The following HOTAIR variants were observed in gnomAD, a reference collection of about 807,000 sequenced individuals.
The protein encoded by HOTAIR is HOX transcript antisense RNA (non-protein coding).
chr12:53,968,452 C>G (rs941189814), intron 2 of HOTAIR: 1 of 152,176 alleles, frequency 6.6e-6, no homozygotes, highest in Non-Finnish European at 1.5e-5. Context: ...TGGGGCCAGG[C>G]GATAAATCTC....
At position 53,973,871 on chromosome 12, in the gene HOTAIR, G is replaced by T. The variant is rs1179009229; in HGVS notation, n.59+1027C>A. 2.0e-6 allele frequency: 3 copies of T among 1,466,964 alleles called. No individual in the cohort carries two copies. The highest frequency in any genetic ancestry group is 5.0e-5 in the East Asian group (2 of 40,172). The allele number at this position is 1,466,964 out of a possible 1,614,324, so 90.9% of individuals were successfully genotyped here. ...AGGAGGAGAACACAAATCCCAGCTC[G>T]TCCGGTTCAGCCCACTCCGTGGCCA... On this transcript the variant is annotated intron_variant and non_coding_transcript_variant, in intron 1 of 6. Transcript: ENST00000424518. The surrounding 1 kb of genome is among the most constrained non-coding windows in gnomAD (Gnocchi z 4.3).
At position 53,967,046 on chromosome 12, in the gene HOTAIR, A is replaced by G. The variant is rs577812580; in HGVS notation, n.325+223T>C. On this transcript the variant is annotated intron_variant and non_coding_transcript_variant, in intron 3 of 6. Transcript: ENST00000424518. Reference sequence around the variant, plus strand: ...AGGACTTACCTTTTTCCTGGACCTCACAGCTCGTTTTCGCCTCCTCTGGGC... The same window carrying G: ...AGGACTTACCTTTTTCCTGGACCTCGCAGCTCGTTTTCGCCTCCTCTGGGC... 5.3e-5 allele frequency among the ~76,000 whole-genome samples: 8 copies of G among 152,338 alleles called. No homozygotes were observed. The East Asian group carries it at 9.6e-4, about 18-fold the overall frequency.
At position 53,973,447 on chromosome 12, in the gene HOTAIR, C is replaced by T. The variant is rs764327229; in HGVS notation, n.59+1451G>A. ...TATCCCTACTCGGCCCAAGTGCCCC[C>T]GGTCCGGGAGGTCTCCTACGGCCTG... is the stretch of plus-strand genomic sequence containing the variant. On this transcript the variant is annotated intron_variant and non_coding_transcript_variant, in intron 1 of 6. Coordinates refer to ENST00000424518, the Ensembl canonical transcript of HOTAIR. The surrounding 1 kb of genome is among the most constrained non-coding windows in gnomAD (Gnocchi z 4.3). 3.7e-6 allele frequency: 6 copies of T among 1,614,192 alleles called. No individual in the cohort carries two copies. The highest frequency in any genetic ancestry group is 4.2e-6 in the Non-Finnish European group (5 of 1,180,038).
At chr12:53,964,619 T>C (rs1409331044) in intron 5 of HOTAIR, among the ~76,000 whole-genome samples, 1 of 152,212 alleles carries the variant, frequency 6.6e-6, no homozygotes, top group Non-Finnish European at 1.5e-5. Flanking sequence ...GAAGAATTCA[T>C]GCAATTATTC....
intron 5 of HOTAIR, chr12:53,964,323 T>C (rs1047641591): frequency 2.0e-5 from 3 of 152,234 alleles, no homozygotes; most frequent in Admixed American, 1.3e-4. Flanking sequence ...CAGGAGGGAA[T>C]TAATTTTACT....
chr12:53,968,832 A>T (rs1939103191), intron 1 of HOTAIR: 1 of 152,250 alleles, frequency 6.6e-6, no homozygotes, highest in Non-Finnish European at 1.5e-5. Flanking sequence ...GGTGACTGGA[A>T]TCTTTTTGCT....
rs1249787615 is a variant in HOTAIR at position 53,973,613 on chromosome 12, C to A, written n.59+1285G>T. On this transcript the variant is annotated intron_variant and non_coding_transcript_variant, in intron 1 of 6. Transcript: ENST00000424518. The surrounding 1 kb of genome is among the most constrained non-coding windows in gnomAD (Gnocchi z 4.3). ...AAAACGAAGGCTCCTACGGCGGCCA[C>A]CACCACCCCAGCGCCCCGCACGCAA... The A allele has an allele frequency of 6.2e-7, 1 of 1,613,630 alleles. No homozygotes were observed. The highest frequency in any genetic ancestry group is 2.2e-5 in the East Asian group (1 of 44,886).
In HOTAIR at chr12:53,973,612, A is replaced by G; in HGVS notation, n.59+1286T>C. The G allele has an allele frequency of 6.2e-7, 1 of 1,612,348 alleles. No individual in the cohort carries two copies. Among genetic ancestry groups the G allele is most frequent in the Non-Finnish European group, 8.5e-7 (1 of 1,179,726 alleles). ...AAAAACGAAGGCTCCTACGGCGGCC[A>G]CCACCACCCCAGCGCCCCGCACGCA... On this transcript the variant is annotated intron_variant and non_coding_transcript_variant, in intron 1 of 6. Transcript: ENST00000424518. The surrounding 1 kb of genome is among the most constrained non-coding windows in gnomAD (Gnocchi z 4.3).
In HOTAIR at chr12:53,973,190, T is replaced by C. The variant is rs1939178063; in HGVS notation, n.59+1708A>G. 2 of 1,462,312 alleles carry C rather than the reference T, an allele frequency of 1.4e-6. No individual in the cohort carries two copies. The highest frequency in any genetic ancestry group is 2.2e-5 in the Admixed American group (1 of 44,684). The allele number at this position is 1,462,312 out of a possible 1,614,324, so 90.6% of individuals were successfully genotyped here. Reference sequence around the variant, plus strand: ...TCTCGCCTTCCCAAATTTTCCCCCCTCGCTAGACCGGGTCCAAAACCTCCA... The same window carrying C: ...TCTCGCCTTCCCAAATTTTCCCCCCCCGCTAGACCGGGTCCAAAACCTCCA... On this transcript the variant is annotated intron_variant and non_coding_transcript_variant, in intron 1 of 6. Transcript: ENST00000424518. The surrounding 1 kb of genome is among the most constrained non-coding windows in gnomAD (Gnocchi z 4.3).
At chr12:53,966,107 G>C (rs1312089309) in intron 4 of HOTAIR, 2 of 152,360 alleles carry the variant, frequency 1.3e-5, no homozygotes, top group Admixed American at 1.3e-4. Context: ...GGGTGAGCCG[G>C]CCGGGGAAAG....
In HOTAIR at chr12:53,973,874, C is replaced by T. The variant is rs775428321; in HGVS notation, n.59+1024G>A. 6.8e-6 allele frequency: 10 copies of T among 1,460,010 alleles called. No homozygotes were observed. Among genetic ancestry groups the T allele is most frequent in the Non-Finnish European group, 9.0e-6 (10 of 1,106,826 alleles). 90.4% of individuals were successfully genotyped at this position (1,460,010 alleles called of 1,614,324 possible). ...AGGAGAACACAAATCCCAGCTCGTC[C>T]GGTTCAGCCCACTCCGTGGCCAAGG... On this transcript the variant is annotated intron_variant and non_coding_transcript_variant, in intron 1 of 6. Transcript: ENST00000424518. The surrounding 1 kb of genome is among the most constrained non-coding windows in gnomAD (Gnocchi z 4.3).
Position 53,973,253 on chromosome 12 carries a change from G to C in HOTAIR, n.59+1645C>G, listed in dbSNP as rs201521088. ...AGGAGAGGAGAACGATGTTTAACTC[G>C]GTCAACCTGGGCAACTTCTGCTCTC... is the stretch of plus-strand genomic sequence containing the variant. On this transcript the variant is annotated intron_variant and non_coding_transcript_variant, in intron 1 of 6. Transcript: ENST00000424518. This position sits in a 1 kb window ranked among gnomAD's most constrained non-coding sequence, Gnocchi z 4.3. 8 of 1,600,890 alleles carry C rather than the reference G, an allele frequency of 5.0e-6. No individual in the cohort carries two copies. The highest frequency in any genetic ancestry group is 2.2e-5 in the East Asian group (1 of 44,794).
At chr12:53,971,358 C>T (rs1265652222) in intron 1 of HOTAIR, among the ~76,000 whole-genome samples, 2 of 152,158 alleles carry the variant, frequency 1.3e-5, no homozygotes, top group East Asian at 1.9e-4. Context: ...GAATGGGACC[C>T]ATGGTGGAGG....
At chr12:53,966,978 A>G (rs1939066784) in intron 3 of HOTAIR, among the ~76,000 whole-genome samples, 1 of 152,224 alleles carries the variant, frequency 6.6e-6, no homozygotes, top group African/African-American at 2.4e-5. Context: ...ATGAACAGAG[A>G]GAAAGAAGGA....
chr12:53,974,322 G>A (rs986136349), intron 1 of HOTAIR, among the ~76,000 whole-genome samples: 8 of 151,700 alleles, frequency 5.3e-5, no homozygotes, highest in African/African-American at 1.9e-4. Context: ...GGAGGGGAGG[G>A]GTGGAGGGGG....
At chr12:53,972,548 A>C (rs1036742942) in intron 1 of HOTAIR, among the ~76,000 whole-genome samples, 2 of 152,222 alleles carry the variant, frequency 1.3e-5, no homozygotes, top group African/African-American at 4.8e-5. Flanking sequence ...GGGAAACTTC[A>C]GATACTCTTC....
chr12:53,973,448 G>T lies in HOTAIR; in HGVS notation n.59+1450C>A. 3 of 1,613,964 alleles carry T rather than the reference G, an allele frequency of 1.9e-6. No individual in the cohort carries two copies. The highest frequency in any genetic ancestry group is 1.7e-6 in the Non-Finnish European group (2 of 1,179,992). ...ATCCCTACTCGGCCCAAGTGCCCCC[G>T]GTCCGGGAGGTCTCCTACGGCCTGG... On this transcript the variant is annotated intron_variant and non_coding_transcript_variant, in intron 1 of 6. Coordinates refer to ENST00000424518, the Ensembl canonical transcript of HOTAIR. This position sits in a 1 kb window ranked among gnomAD's most constrained non-coding sequence, Gnocchi z 4.3.
rs754222686 is a variant in HOTAIR, at chr12:53,973,736, G to C, written n.59+1162C>G. On this transcript the variant is annotated intron_variant and non_coding_transcript_variant, in intron 1 of 6. Transcript: ENST00000424518. This position sits in a 1 kb window ranked among gnomAD's most constrained non-coding sequence, Gnocchi z 4.3. ...ACGCCTACTGCGGTGGCGGCGACCCGCCCGCCGAGCCCCCCTGCTCCGGCA... is the reference window on the plus strand; with the variant it reads ...ACGCCTACTGCGGTGGCGGCGACCCCCCCGCCGAGCCCCCCTGCTCCGGCA... 170 of 1,612,466 alleles carry C rather than the reference G, an allele frequency of 1.1e-4. No homozygotes were observed. Among genetic ancestry groups the C allele is most frequent in the Non-Finnish European group, 1.3e-4 (157 of 1,179,740 alleles).
chr12:53,973,509 T>G lies in HOTAIR; in HGVS notation n.59+1389A>C, dbSNP rs759883766. The G allele has an allele frequency of 6.2e-7, 1 of 1,613,798 alleles. No homozygotes were observed. Among genetic ancestry groups the G allele is most frequent in the Non-Finnish European group, 8.5e-7 (1 of 1,179,968 alleles). On this transcript the variant is annotated intron_variant and non_coding_transcript_variant, in intron 1 of 6. Coordinates refer to ENST00000424518, the Ensembl canonical transcript of HOTAIR. This position sits in a 1 kb window ranked among gnomAD's most constrained non-coding sequence, Gnocchi z 4.3. ...CAAGTGGCACCATCGGAACAGCTAC[T>G]CCTCCTGCTATGCGGCGGCCGACGA...
Sources: allele counts gnomAD v4.1 joint callset (sites outside exome capture counted in the v4.1 genomes callset), GRCh38; gene constraint gnomAD v4.1.1; non-coding constraint Gnocchi (gnomAD v3.1); transcripts MANE v1.5; gene names NCBI Gene and HGNC (gene_info 2026-07-23, HGNC 2026-07-21).